Variants in ADRA2C observed in about 807,000 individuals in gnomAD.
ADRA2C encodes adrenoceptor alpha 2C.
A neutral mutation model predicts 7.9 loss-of-function variants in ADRA2C; 4 were observed. The observed-to-expected ratio is 0.51, with a 90% CI of 0.25 to 1.16. The LOEUF (loss-of-function observed/expected upper bound fraction) is 1.16, where lower values mean the gene tolerates loss of function less well. ADRA2C is among the 50% of genes most tolerant of loss of function. ADRA2C has a pLI of 0.15. For synonymous variants in ADRA2C, 368 were observed against 328.9 expected, an observed-to-expected ratio of 1.12 and a Z score of -1.29; for missense variants, 589 against 677.7, an observed-to-expected ratio of 0.87 and a Z score of 1.45.
chr4:3,767,325 G>A lies in ADRA2C; in HGVS notation c.719G>A (p.Arg240His), dbSNP rs778196873. 19 of 1,574,280 alleles carry A rather than the reference G, an allele frequency of 1.2e-5. No homozygotes were observed. The highest frequency in any genetic ancestry group is 2.4e-5 in the East Asian group (1 of 42,506). Residue 240 changes from arginine to histidine, a missense_variant, in exon 1 of 1, where the codon CGC (arginine) becomes CAC (histidine). Arg to His is a conservative substitution (Grantham distance 29). Coordinates refer to ENST00000330055, the MANE Select transcript of ADRA2C (RefSeq NM_000683.4). ...YARIYRVAKL[R>H]TRTLSEKRAP... ...CGCATCTACCGAGTGGCCAAGCTGC[G>A]CACGCGCACGCTCAGCGAGAAGCGC...
rs1735473403 is a variant in ADRA2C, at chr4:3,767,410, A to C, written c.804A>C (p.Ala268=). Residue 268 remains alanine (A), a synonymous_variant, in exon 1 of 1, where the codon GCA becomes GCC. Coordinates refer to ENST00000330055, the MANE Select transcript of ADRA2C (RefSeq NM_000683.4). The part of the protein sequence containing the change: ...PTTENGLGAA[A]GAGENGHCAP... The stretch of plus-strand genomic sequence containing the variant: ...CCGAAAACGGGCTGGGCGCGGCGGC[A>C]GGCGCAGGCGAGAACGGGCACTGCG... 3 of 1,531,586 alleles carry C rather than the reference A, an allele frequency of 2.0e-6. No homozygotes were observed. The highest frequency in any genetic ancestry group is 2.6e-6 in the Non-Finnish European group (3 of 1,144,366). The allele number at this position is 1,531,586 out of a possible 1,614,324, so 94.9% of individuals were successfully genotyped here.
chr4:3,767,385 C>G lies in ADRA2C; in HGVS notation c.779C>G (p.Thr260Ser). Residue 260 changes from threonine (T) to serine (S), a missense_variant, in exon 1 of 1, where the codon ACC (threonine) becomes AGC (serine). Coordinates refer to ENST00000330055, the MANE Select transcript of ADRA2C (RefSeq NM_000683.4). ...PVGPDGASPT[T>S]ENGLGAAAGA... ...GGCCCCGACGGTGCGTCCCCGACTA[C>G]CGAAAACGGGCTGGGCGCGGCGGCA... The G allele has an allele frequency of 6.5e-7, 1 of 1,537,338 alleles. No individual in the cohort carries two copies. The highest frequency in any genetic ancestry group is 8.7e-7 in the Non-Finnish European group (1 of 1,145,888).
In ADRA2C at chr4:3,767,764, G is replaced by A. The variant is rs1170592816; in HGVS notation, c.1158G>A (p.Val386=). 2 of 1,613,220 alleles carry A rather than the reference G, an allele frequency of 1.2e-6. No individual in the cohort carries two copies. The highest frequency in any genetic ancestry group is 1.7e-6 in the Non-Finnish European group (2 of 1,179,812). ...AGCGCTTCACCTTTGTGCTGGCTGT[G>A]GTCATGGGCGTGTTCGTGCTCTGCT... The part of the protein sequence containing the change: ...REKRFTFVLA[V]VMGVFVLCWF... Residue 386 remains valine (V), a synonymous_variant, in exon 1 of 1, where the codon GTG becomes GTA. Transcript: ENST00000330055.
chr4:3,767,293 C>G lies in ADRA2C; in HGVS notation c.687C>G (p.Val229=), dbSNP rs779150071. 6.3e-6 allele frequency: 10 copies of G among 1,599,098 alleles called. No homozygotes were observed. The highest frequency in any genetic ancestry group is 1.1e-5 in the South Asian group (1 of 88,654). ...CGCCCTGCCTCATCATGGGCCTGGT[C>G]TACGCGCGCATCTACCGAGTGGCCA... The part of the protein sequence containing the change: ...FFAPCLIMGL[V]YARIYRVAKL... Residue 229 remains valine, a synonymous_variant, in exon 1 of 1, where the codon GTC becomes GTG. Transcript: ENST00000330055.
Position 3,766,616 on chromosome 4 carries a change from CCGGCGCTGGCGG to C in ADRA2C, c.23_34del (p.Ala8_Ala11del), listed in dbSNP as rs1220038344. ...AGCTCGCGGGAGGACCATGGCGTCC[CCGGCGCTGGCGG>C]CGGCGCTGGCGGTGGCGGCAGCGGC... On this transcript the variant is annotated inframe_deletion, in exon 1 of 1. Transcript: ENST00000330055. The surrounding 1 kb of genome is among the most constrained non-coding windows in gnomAD (Gnocchi z 4.5). 35 of 1,192,630 alleles carry C rather than the reference CCGGCGCTGGCGG, an allele frequency of 2.9e-5. No homozygotes were observed. The highest frequency in any genetic ancestry group is 6.4e-5 in the African/African-American group (4 of 62,314). The allele number at this position is 1,192,630 out of a possible 1,614,324, so 73.9% of individuals were successfully genotyped here.
chr4:3,768,238 G>C lies in ADRA2C; in HGVS notation c.*243G>C, dbSNP rs1560346010. On this transcript the variant is annotated 3_prime_UTR_variant, in exon 1 of 1. Transcript: ENST00000330055. ...GGCTGCTTCTGGGGCTCCCTGCCTGGATCCAGCTCTGGGAGCCCTGCCGAG... is the reference window on the plus strand; with the variant it reads ...GGCTGCTTCTGGGGCTCCCTGCCTGCATCCAGCTCTGGGAGCCCTGCCGAG... The C allele has an allele frequency of 4.2e-6, 3 of 718,492 alleles. No individual in the cohort carries two copies. The highest frequency in any genetic ancestry group is 7.8e-6 in the Non-Finnish European group (3 of 386,418). The allele number at this position is 718,492 out of a possible 1,614,324, so 44.5% of individuals were successfully genotyped here.
In ADRA2C at chr4:3,767,882, G is replaced by A; in HGVS notation, c.1276G>A (p.Gly426Ser). 2 of 1,612,858 alleles carry A rather than the reference G, an allele frequency of 1.2e-6. No homozygotes were observed. Among genetic ancestry groups the A allele is most frequent in the Non-Finnish European group, 1.7e-6 (2 of 1,179,910 alleles). The change falls in exon 1 of 1, where the codon GGC (glycine) becomes AGC (serine). Residue 426 changes from glycine to serine, a missense_variant. Coordinates refer to ENST00000330055, the MANE Select transcript of ADRA2C (RefSeq NM_000683.4). ...GCTCTTCAAGTTCTTCTTCTGGATC[G>A]GCTACTGCAACAGCTCGCTCAACCC... is the stretch of plus-strand genomic sequence containing the variant. ...GPLFKFFFWI[G>S]YCNSSLNPVI...
Position 3,768,505 on chromosome 4 carries a change from T to C in ADRA2C, c.*510T>C. On this transcript the variant is annotated 3_prime_UTR_variant, in exon 1 of 1. Coordinates refer to ENST00000330055, the MANE Select transcript of ADRA2C (RefSeq NM_000683.4). Reference sequence around the variant, plus strand: ...CAGCCAAAACAACCAAACTATTTTCTAAATAAACCTTTGTAATCTAATGTT... The same window carrying C: ...CAGCCAAAACAACCAAACTATTTTCCAAATAAACCTTTGTAATCTAATGTT... 1 of 579,826 alleles carries C rather than the reference T, an allele frequency of 1.7e-6. No individual in the cohort carries two copies. The highest frequency in any genetic ancestry group is 2.1e-5 in the South Asian group (1 of 47,154). The allele number at this position is 579,826 out of a possible 1,614,324, so 35.9% of individuals were successfully genotyped here. A position where few individuals can be genotyped will look rare whatever the true frequency, so the allele number is the denominator to read the frequency against.
In ADRA2C at chr4:3,766,752, G is replaced by T; in HGVS notation, c.146G>T (p.Gly49Val). The change falls in exon 1 of 1, where the codon GGC (glycine) becomes GTC (valine). Residue 49 changes from glycine to valine, a missense_variant. Transcript: ENST00000330055. The surrounding 1 kb of genome is among the most constrained non-coding windows in gnomAD (Gnocchi z 4.5). ...WGPPRGQYSAGAVAGLAAVVG... is the reference protein window; with the variant it reads ...WGPPRGQYSAVAVAGLAAVVG... ...CCGCCGCGCGGCCAGTACTCGGCGGGCGCGGTGGCAGGGCTGGCTGCCGTG... is the reference window on the plus strand; with the variant it reads ...CCGCCGCGCGGCCAGTACTCGGCGGTCGCGGTGGCAGGGCTGGCTGCCGTG... 1.3e-6 allele frequency: 2 copies of T among 1,522,332 alleles called. No homozygotes were observed. Among genetic ancestry groups the T allele is most frequent in the South Asian group, 2.6e-5 (2 of 77,918 alleles). The allele number at this position is 1,522,332 out of a possible 1,614,324, so 94.3% of individuals were successfully genotyped here.
rs1395722897 is a variant in ADRA2C at position 3,767,482 on chromosome 4, C to T, written c.876C>T (p.Ala292=). ...DVEPDESSAA[A]ERRRRRGALR... ...AGCCGGACGAGAGCAGCGCAGCGGC[C>T]GAGAGGCGGCGGCGCCGGGGCGCGT... is the stretch of plus-strand genomic sequence containing the variant. Residue 292 remains alanine (A), a synonymous_variant, in exon 1 of 1, where the codon GCC becomes GCT. Transcript: ENST00000330055. 2 of 1,220,458 alleles carry T rather than the reference C, an allele frequency of 1.6e-6. No individual in the cohort carries two copies. Among genetic ancestry groups the T allele is most frequent in the Non-Finnish European group, 2.0e-6 (2 of 981,478 alleles). 75.6% of individuals were successfully genotyped at this position (1,220,458 alleles called of 1,614,324 possible). A position where few individuals can be genotyped will look rare whatever the true frequency, so the allele number is the denominator to read the frequency against.
rs1337643437 is a variant in ADRA2C, at chr4:3,768,360, C to A, written c.*365C>A. The A allele has an allele frequency of 2.3e-5, 16 of 703,412 alleles. No individual in the cohort carries two copies. In the East Asian group the frequency reaches 3.2e-4, roughly 14 times the overall value. The allele number at this position is 703,412 out of a possible 1,614,324, so 43.6% of individuals were successfully genotyped here. A position where few individuals can be genotyped will look rare whatever the true frequency, so the allele number is the denominator to read the frequency against. On this transcript the variant is annotated 3_prime_UTR_variant, in exon 1 of 1. Transcript: ENST00000330055. ...CCCCAAAGACACTACCACTCCCCAT[C>A]CCCGTCTGACCAAGGGCTGACTTCT... is the stretch of plus-strand genomic sequence containing the variant.
Position 3,767,831 on chromosome 4 carries a change from C to G in ADRA2C, c.1225C>G (p.Arg409Gly). 4 of 1,613,196 alleles carry G rather than the reference C, an allele frequency of 2.5e-6. No individual in the cohort carries two copies. The highest frequency in any genetic ancestry group is 1.6e-4 in the Middle Eastern group (1 of 6,062). ...FFSYSLYGIC[R>G]EACQVPGPLF... The stretch of plus-strand genomic sequence containing the variant: ...CAGCTACAGCCTGTACGGCATCTGC[C>G]GCGAGGCCTGCCAGGTGCCCGGCCC... Residue 409 changes from arginine (R) to glycine (G), a missense_variant, in exon 1 of 1, where the codon CGC becomes GGC. By Grantham distance (125) the Arg-to-Gly change is moderately radical. Coordinates refer to ENST00000330055, the MANE Select transcript of ADRA2C (RefSeq NM_000683.4).
In ADRA2C at chr4:3,766,886, G is replaced by A; in HGVS notation, c.280G>A (p.Ala94Thr). The A allele has an allele frequency of 6.2e-7, 1 of 1,609,174 alleles. No individual in the cohort carries two copies. Residue 94 changes from alanine (A) to threonine (T), a missense_variant, in exon 1 of 1, where the codon GCC (alanine) becomes ACC (threonine). Coordinates refer to ENST00000330055, the MANE Select transcript of ADRA2C (RefSeq NM_000683.4). This position sits in a 1 kb window ranked among gnomAD's most constrained non-coding sequence, Gnocchi z 4.5. ...ACAGAACCTCTTCCTGGTGTCGCTG[G>A]CCTCGGCCGACATCCTGGTGGCCAC... ...APQNLFLVSL[A>T]SADILVATLV...
chr4:3,767,733 G>A lies in ADRA2C; in HGVS notation c.1127G>A (p.Arg376His). The A allele has an allele frequency of 6.2e-7, 1 of 1,612,238 alleles. No individual in the cohort carries two copies. Among genetic ancestry groups the A allele is most frequent in the Non-Finnish European group, 8.5e-7 (1 of 1,179,492 alleles). The stretch of plus-strand genomic sequence containing the variant: ...TGCCGCCGCAAGGTGGCCCAGGCGC[G>A]CGAGAAGCGCTTCACCTTTGTGCTG... ...SVCRRKVAQA[R>H]EKRFTFVLAV... The change falls in exon 1 of 1, where the codon CGC (arginine) becomes CAC (histidine). Residue 376 changes from arginine (R) to histidine (H), a missense_variant. Coordinates refer to ENST00000330055, the MANE Select transcript of ADRA2C (RefSeq NM_000683.4).
Position 3,767,707 on chromosome 4 carries a change from G to C in ADRA2C, c.1101G>C (p.Val367=), listed in dbSNP as rs1735486366. 7 of 1,609,106 alleles carry C rather than the reference G, an allele frequency of 4.4e-6. No homozygotes were observed. Among genetic ancestry groups the C allele is most frequent in the Non-Finnish European group, 5.9e-6 (7 of 1,178,374 alleles). The stretch of plus-strand genomic sequence containing the variant: ...GCCGGCGCCGGGCGCGCAGCAGCGT[G>C]TGCCGCCGCAAGGTGGCCCAGGCGC... ...LSRRRRARSS[V]CRRKVAQARE... The change falls in exon 1 of 1, where the codon GTG becomes GTC. Residue 367 remains valine (V), a synonymous_variant. Transcript: ENST00000330055.
In ADRA2C at chr4:3,767,311, A is replaced by G; in HGVS notation, c.705A>G (p.Arg235=). The G allele has an allele frequency of 6.3e-7, 1 of 1,589,712 alleles. No homozygotes were observed. Among genetic ancestry groups the G allele is most frequent in the South Asian group, 1.1e-5 (1 of 87,488 alleles). ...GCCTGGTCTACGCGCGCATCTACCG[A>G]GTGGCCAAGCTGCGCACGCGCACGC... The part of the protein sequence containing the change: ...IMGLVYARIY[R]VAKLRTRTLS... Residue 235 remains arginine, a synonymous_variant, in exon 1 of 1, where the codon CGA becomes CGG. Transcript: ENST00000330055.
Position 3,766,991 on chromosome 4 carries a change from G to T in ADRA2C, c.385G>T (p.Ala129Ser). 1.9e-6 allele frequency: 3 copies of T among 1,611,224 alleles called. No homozygotes were observed. The highest frequency in any genetic ancestry group is 2.5e-6 in the Non-Finnish European group (3 of 1,179,886). ...FGQVWCGVYL[A>S]LDVLFCTSSI... is the part of the protein sequence containing the mutation. ...GCAGGTGTGGTGCGGCGTGTACCTG[G>T]CGCTCGATGTGCTGTTTTGCACCTC... is the stretch of plus-strand genomic sequence containing the variant. Residue 129 changes from alanine (A) to serine (S), a missense_variant, in exon 1 of 1, where the codon GCG becomes TCG. By Grantham distance (99) the Ala-to-Ser change is moderately conservative. Coordinates refer to ENST00000330055, the MANE Select transcript of ADRA2C (RefSeq NM_000683.4). This position sits in a 1 kb window ranked among gnomAD's most constrained non-coding sequence, Gnocchi z 4.5.
Position 3,768,202 on chromosome 4 carries a change from C to A in ADRA2C, c.*207C>A, listed in dbSNP as rs1360128567. 1 of 725,020 alleles carries A rather than the reference C, an allele frequency of 1.4e-6. No homozygotes were observed. Among genetic ancestry groups the A allele is most frequent in the South Asian group, 1.5e-5 (1 of 67,376 alleles). 44.9% of individuals were successfully genotyped at this position (725,020 alleles called of 1,614,324 possible). ...AGGGGGAGACCCCTTTGCCTTCCCCCCTCAGCAAGGGGCTGCTTCTGGGGC... is the reference window on the plus strand; with the variant it reads ...AGGGGGAGACCCCTTTGCCTTCCCCACTCAGCAAGGGGCTGCTTCTGGGGC... On this transcript the variant is annotated 3_prime_UTR_variant, in exon 1 of 1. Coordinates refer to ENST00000330055, the MANE Select transcript of ADRA2C (RefSeq NM_000683.4).
chr4:3,768,097 C>A lies in ADRA2C; in HGVS notation c.*102C>A. 3 of 123,536 alleles carry A rather than the reference C, an allele frequency of 2.4e-5. No individual in the cohort carries two copies. Among genetic ancestry groups the A allele is most frequent in the Non-Finnish European group, 3.3e-5 (2 of 59,962 alleles). 7.7% of individuals were successfully genotyped at this position (123,536 alleles called of 1,614,324 possible). On this transcript the variant is annotated 3_prime_UTR_variant, in exon 1 of 1. Coordinates refer to ENST00000330055, the MANE Select transcript of ADRA2C (RefSeq NM_000683.4). ...TCCCAGAGACCCGGGGATGGATTGGCCTCCAGGGCGCAGGGGAGGGTGCGG... is the reference window on the plus strand; with the variant it reads ...TCCCAGAGACCCGGGGATGGATTGGACTCCAGGGCGCAGGGGAGGGTGCGG...
Sources: allele counts gnomAD v4.1 joint callset, GRCh38; gene constraint gnomAD v4.1.1; non-coding constraint Gnocchi (gnomAD v3.1); transcripts MANE v1.5; gene names NCBI Gene and HGNC (gene_info 2026-07-23, HGNC 2026-07-21).